Variants in TRPM6 observed in about 807,000 individuals in gnomAD.
TRPM6 encodes the protein transient receptor potential cation channel subfamily M member 6, also known as channel kinase 2.
A neutral mutation model predicts 247.6 loss-of-function variants in TRPM6; 111 were observed. The observed-to-expected ratio is 0.45, with a 90% CI of 0.38 to 0.52. The LOEUF is 0.52. Among genes scored for constraint, TRPM6 ranks in the 20% least tolerant of loss-of-function variants. The pLI is 0.00. For missense variants in TRPM6, 2,126 were observed against 2,421.5 expected (o/e 0.88, Z 2.56); for synonymous variants, 892 against 853.8 (o/e 1.04, Z -0.78).
intron 30 of TRPM6, among the ~76,000 whole-genome samples, chr9:74,749,833 A>C (rs1209282702): frequency 2.6e-5 from 4 of 152,202 alleles, no homozygotes; most frequent in Non-Finnish European, 5.9e-5. Context: ...GCAGGCTTGC[A>C]CAGGGTCCAT....
At chr9:74,724,874 G>T in intron 38 of TRPM6, 128 bp from the exon 39 acceptor site, 1 of 1,231,600 alleles carries the variant, frequency 8.1e-7, no homozygotes, top group East Asian at 2.4e-5. Context: ...ATAGATATGT[G>T]GAACTCAAAC....
Position 74,801,061 on chromosome 9 carries a change from G to A in TRPM6, c.2010-579C>T, listed in dbSNP as rs981418709. Among the ~76,000 whole-genome samples, 75 of 151,070 alleles carry A rather than the reference G, an allele frequency of 5.0e-4. 3 individuals are homozygous for A. The highest frequency in any genetic ancestry group is 4.9e-5 in the African/African-American group (2 of 40,658). On this transcript the variant is annotated intron_variant, in intron 16 of 38. Transcript: ENST00000360774. ...CTAGAGACACCCCCATGTGATTTTC[G>A]AGGAGAATGTTTCCTCTGAAAGGTA...
intron 1 of TRPM6, among the ~76,000 whole-genome samples, chr9:74,869,189 A>G (rs961935584): frequency 2.0e-4 from 31 of 152,160 alleles, no homozygotes; most frequent in Admixed American, 1.4e-3. Context: ...AAGCAATACT[A>G]AAAACAACAG....
chr9:74,839,033 C>A (rs1481480283), intron 5 of TRPM6, among the ~76,000 whole-genome samples: 1 of 150,254 alleles, frequency 6.7e-6, no homozygotes, highest in Non-Finnish European at 1.5e-5. Flanking sequence ...TCGCTTGAAC[C>A]TGGGAGGCGG....
chr9:74,772,045 T>A (rs1223290499), intron 24 of TRPM6, among the ~76,000 whole-genome samples: 1 of 152,156 alleles, frequency 6.6e-6, no homozygotes, highest in Non-Finnish European at 1.5e-5. Flanking sequence ...TCCCAACACT[T>A]TTGGAGGCTG....
chr9:74,771,054 C>T (rs1294146295), intron 25 of TRPM6, among the ~76,000 whole-genome samples: 3 of 152,178 alleles, frequency 2.0e-5, no homozygotes, highest in Non-Finnish European at 4.4e-5. Context: ...CACCCTCCAT[C>T]TACCTCCTCC....
At chr9:74,744,695 A>G (rs1394889312) in intron 31 of TRPM6, among the ~76,000 whole-genome samples, 1 of 152,228 alleles carries the variant, frequency 6.6e-6, no homozygotes, top group African/African-American at 2.4e-5. Flanking sequence ...CACCTCTTCC[A>G]AGTTTAACTC....
At chr9:74,863,997 A>T (rs1334557826) in intron 1 of TRPM6, among the ~76,000 whole-genome samples, 4 of 152,122 alleles carry the variant, frequency 2.6e-5, no homozygotes, top group African/African-American at 7.2e-5. Context: ...CCTTAAAAAA[A>T]ATCTATCATC....
At chr9:74,833,349 C>T (rs1051404097) in intron 6 of TRPM6, among the ~76,000 whole-genome samples, 2 of 152,148 alleles carry the variant, frequency 1.3e-5, no homozygotes, top group African/African-American at 2.4e-5. Context: ...GAGACAAGTC[C>T]GTTCCCTTTG....
Position 74,827,739 on chromosome 9 carries a change from T to C in TRPM6, c.841+39A>G, listed in dbSNP as rs1438138765. ...AGACCATGAAAGACCTCAGCAGGCC[T>C]GCAACCAGACTGGGTGACTGAGCCC... is the stretch of plus-strand genomic sequence containing the variant. On this transcript the variant is annotated intron_variant, in intron 7 of 38. Transcript: ENST00000360774. 1.9e-6 allele frequency: 3 copies of C among 1,610,440 alleles called. No homozygotes were observed. The East Asian group carries it at 6.7e-5, about 36-fold the overall frequency.
rs775478371 is a variant in TRPM6 at position 74,761,802 on chromosome 9, G to T, written c.4679C>A (p.Ser1560Ter). 1 of 1,611,048 alleles carries T rather than the reference G, an allele frequency of 6.2e-7. No individual in the cohort carries two copies. The highest frequency in any genetic ancestry group is 2.2e-5 in the East Asian group (1 of 44,846). The change falls in exon 27 of 39, where the codon TCA (serine) becomes TAA (stop). Residue 1560 changes from serine (S) to a stop codon, truncating the protein, a stop_gained. Transcript: ENST00000360774. LOFTEE classifies it high-confidence loss of function. ...TCCCTGCCCTATTTCTGAAGAGCCT[G>T]AAAGATCTGCAAGGAAATGGTCTAC... ...LMKICKIKNL[S>*]GSSEIGQGAW...
intron 28 of TRPM6, among the ~76,000 whole-genome samples, chr9:74,753,337 G>T (rs576632687): frequency 2.6e-5 from 4 of 151,854 alleles, no homozygotes; most frequent in Non-Finnish European, 5.9e-5. Context: ...AGGAGATAAC[G>T]GTTGCATTTT....
At chr9:74,772,013 G>A (rs1827063664) in intron 24 of TRPM6, among the ~76,000 whole-genome samples, 178 bp from the exon 25 acceptor site, 1 of 152,230 alleles carries the variant, frequency 6.6e-6, no homozygotes, top group Non-Finnish European at 1.5e-5. Context: ...TGGGAGCTGG[G>A]CGCAGTGGTT....
intron 12 of TRPM6, among the ~76,000 whole-genome samples, chr9:74,811,400 A>T (rs1000643359): frequency 6.6e-6 from 1 of 152,220 alleles, no homozygotes; most frequent in African/African-American, 2.4e-5. Flanking sequence ...CAAGAAGACA[A>T]GACTTGAATA....
intron 27 of TRPM6, among the ~76,000 whole-genome samples, chr9:74,756,150 A>T (rs1019693514): frequency 7.2e-5 from 11 of 152,230 alleles, no homozygotes; most frequent in Non-Finnish European, 1.6e-4. Flanking sequence ...GAACTATTCC[A>T]AAAATAAATC....
At chr9:74,746,103 G>A (rs775497977) in intron 31 of TRPM6, among the ~76,000 whole-genome samples, 8 of 152,042 alleles carry the variant, frequency 5.3e-5, no homozygotes, top group African/African-American at 1.9e-4. Context: ...TTAGCCGGGC[G>A]TGGTGGGTTC....
At chr9:74,791,490 G>C (rs750644037) in intron 19 of TRPM6, among the ~76,000 whole-genome samples, 6 of 151,402 alleles carry the variant, frequency 4.0e-5, no homozygotes, top group Non-Finnish European at 7.4e-5. Flanking sequence ...GCTGTGTTAC[G>C]GAAAAAAATA....
At chr9:74,832,964 T>C (rs1286193622) in intron 6 of TRPM6, among the ~76,000 whole-genome samples, 1 of 151,914 alleles carries the variant, frequency 6.6e-6, no homozygotes, top group Non-Finnish European at 1.5e-5. Flanking sequence ...GGCAAGAGAA[T>C]TGCTTGAACC....
At chr9:74,732,777 T>C in intron 36 of TRPM6, 41 bp from the exon 37 acceptor site, 2 of 1,431,350 alleles carry the variant, frequency 1.4e-6, no homozygotes, top group African/African-American at 1.4e-5. Flanking sequence ...AATGGAGATT[T>C]CATTTTCTTA....
Sources: allele counts gnomAD v4.1 joint callset (sites outside exome capture counted in the v4.1 genomes callset), GRCh38; gene constraint gnomAD v4.1.1; transcripts MANE v1.5; gene names NCBI Gene and HGNC (gene_info 2026-07-23, HGNC 2026-07-21).